Variants in USP42 observed in about 807,000 individuals in gnomAD.
USP42 encodes the protein ubiquitin carboxyl-terminal hydrolase 42.
In USP42, 23 loss-of-function variants were observed where a neutral mutation model predicts 113.0. That is an observed-to-expected ratio of 0.20 (90% CI 0.15 to 0.29). The LOEUF (loss-of-function observed/expected upper bound fraction) is 0.29. Among genes scored for constraint, USP42 ranks in the 10% least tolerant of loss-of-function variants. The pLI is 1.00. For missense variants in USP42, 2,174 were observed against 1,779.8 expected, an observed-to-expected ratio of 1.22 and a Z score of -3.99; for synonymous variants, 933 against 699.0, an observed-to-expected ratio of 1.33 and a Z score of -5.28.
chr7:6,115,216 A>G, intron 2 of USP42, 107 bp from the exon 3 acceptor site: 1 of 1,098,312 alleles, frequency 9.1e-7, no homozygotes, highest in Non-Finnish European at 1.3e-6. Flanking sequence ...TAGGCTGGTC[A>G]TGAGATTTCG....
chr7:6,088,040 C>T, the USP42 span, among the ~76,000 whole-genome samples: 1 of 151,004 alleles, frequency 6.6e-6, no homozygotes. Context: ...TGGCTCATAC[C>T]TGTAATGCCA....
upstream of USP42, among the ~76,000 whole-genome samples, chr7:6,104,281 A>C (rs1283111851): frequency 6.6e-6 from 1 of 151,074 alleles, no homozygotes; most frequent in Non-Finnish European, 1.5e-5. Flanking sequence ...ACAGGGTTTC[A>C]CCATGCTGGC....
chr7:6,081,922 A>G, the USP42 span: 3 of 152,134 alleles, frequency 2.0e-5, no homozygotes, highest in Non-Finnish European at 2.9e-5. Context: ...AAAATACAGT[A>G]TACCTGTATA....
intron 8 of USP42, among the ~76,000 whole-genome samples, chr7:6,143,440 G>T (rs867942024): frequency 1.3e-5 from 2 of 152,028 alleles, no homozygotes; most frequent in African/African-American, 4.8e-5. Flanking sequence ...GGGTTCCCAG[G>T]GTTTGGGATA....
chr7:6,120,023 TGGC>T (rs1780129049), intron 3 of USP42, among the ~76,000 whole-genome samples: 2 of 152,326 alleles, frequency 1.3e-5, no homozygotes, highest in African/African-American at 4.8e-5. Flanking sequence ...TGGAGTGCAG[TGGC>T]GCTGTCTCGG....
At chr7:6,152,793 G>A (rs1175237570) in intron 14 of USP42, among the ~76,000 whole-genome samples, 1 of 152,206 alleles carries the variant, frequency 6.6e-6, no homozygotes, top group African/African-American at 2.4e-5. Flanking sequence ...ACTACAGAAC[G>A]TTTTGCTAAA....
At chr7:6,123,370 A>G (rs1780342353) in intron 3 of USP42, among the ~76,000 whole-genome samples, 1 of 152,098 alleles carries the variant, frequency 6.6e-6, no homozygotes, top group African/African-American at 2.4e-5. Context: ...AATATAAAAT[A>G]TTAAAAAATT....
At chr7:6,081,678 G>C in the USP42 span, 1 of 152,250 alleles carries the variant, frequency 6.6e-6, no homozygotes, top group Non-Finnish European at 1.5e-5. Context: ...GCTAGTCTTC[G>C]GACGGCGGCC....
At position 6,145,582 on chromosome 7, in the gene USP42, G is replaced by T. The variant is rs765930900; in HGVS notation, c.1057G>T (p.Val353Phe). 10 of 1,613,862 alleles carry T rather than the reference G, an allele frequency of 6.2e-6. No individual in the cohort carries two copies. In the African/African-American group the frequency reaches 8.0e-5, roughly 13 times the overall value. The part of the protein sequence containing the change: ...YMSQPNGEPI[V>F]YVLYAVLVHT... Reference sequence around the variant, plus strand: ...GTCTCAACCCAACGGAGAGCCAATTGTCTACGTCTTGTATGCAGTGCTGGT... The same window carrying T: ...GTCTCAACCCAACGGAGAGCCAATTTTCTACGTCTTGTATGCAGTGCTGGT... The change falls in exon 10 of 18, where the codon GTC (valine) becomes TTC (phenylalanine). Residue 353 changes from valine to phenylalanine, a missense_variant. Physicochemically the swap from Val to Phe is conservative, Grantham distance 50. Coordinates refer to ENST00000306177, the MANE Select transcript of USP42 (RefSeq NM_032172.3).
chr7:6,145,846 G>GA (rs1781688505), intron 10 of USP42, among the ~76,000 whole-genome samples, 190 bp downstream of exon 10: 1 of 152,196 alleles, frequency 6.6e-6, no homozygotes, highest in East Asian at 1.9e-4. Flanking sequence ...GAGGCTGGGG[G>GA]ATCACTTGAG....
intron 3 of USP42, chr7:6,128,200 G>C (rs1473837466): frequency 6.6e-6 from 1 of 150,934 alleles, no homozygotes; most frequent in Non-Finnish European, 1.5e-5. Context: ...TGATCCTCCT[G>C]CCTTGGCCTC....
chr7:6,107,850 TTTGA>T (rs1395754953), intron 1 of USP42, among the ~76,000 whole-genome samples: 1 of 152,218 alleles, frequency 6.6e-6, no homozygotes, highest in Non-Finnish European at 1.5e-5. Flanking sequence ...GTCAGCTACC[TTTGA>T]TTGATTTAAA....
At chr7:6,112,666 C>T (rs1779660432) in intron 2 of USP42, among the ~76,000 whole-genome samples, 1 of 152,180 alleles carries the variant, frequency 6.6e-6, no homozygotes, top group East Asian at 1.9e-4. Flanking sequence ...GCATGCAGCC[C>T]AGACAGCTTT....
chr7:6,150,288 G>C lies in USP42; in HGVS notation c.2092G>C (p.Gly698Arg), dbSNP rs201342208. 1.2e-4 allele frequency: 193 copies of C among 1,612,868 alleles called. No individual in the cohort carries two copies. In the African/African-American group the frequency reaches 2.3e-3, roughly 20 times the overall value. The change falls in exon 13 of 18, where the codon GGT becomes CGT. Residue 698 changes from glycine to arginine, a missense_variant. Physicochemically the swap from Gly to Arg is moderately radical, Grantham distance 125 (BLOSUM62 -2). Coordinates refer to ENST00000306177, the MANE Select transcript of USP42 (RefSeq NM_032172.3). ...AGAAAATCCCTTTGCTAAGGCAAAC[G>C]GTCTTCCTGGAAAGGTGAGTGCACG... ...HSENPFAKAN[G>R]LPGKLMPAPL...
chr7:6,126,630 C>T (rs900045494), intron 3 of USP42, among the ~76,000 whole-genome samples: 9 of 152,188 alleles, frequency 5.9e-5, no homozygotes, highest in African/African-American at 9.7e-5. Flanking sequence ...AAAGGATATC[C>T]GGTTGTTTCT....
chr7:6,146,139 C>T lies in USP42; in HGVS notation c.1132-9C>T. On this transcript the variant is annotated splice_polypyrimidine_tract_variant and intron_variant, in intron 10 of 17. Coordinates refer to ENST00000306177, the MANE Select transcript of USP42 (RefSeq NM_032172.3). ...CTAATCTCTCTCTTTTATTGGCTCT[C>T]ATTTATAGGCTAGCAATGGCCTCTG... The T allele has an allele frequency of 1.3e-6, 2 of 1,545,180 alleles. No individual in the cohort carries two copies. The highest frequency in any genetic ancestry group is 1.8e-6 in the Non-Finnish European group (2 of 1,133,148).
At chr7:6,127,259 GTGGT>G (rs1334267150) in intron 3 of USP42, among the ~76,000 whole-genome samples, 1 of 152,148 alleles carries the variant, frequency 6.6e-6, no homozygotes, top group Non-Finnish European at 1.5e-5. Context: ...CATCCACTTA[GTGGT>G]TGTTTTACAG....
chr7:6,146,454 G>A (rs1447377947), intron 11 of USP42, among the ~76,000 whole-genome samples: 4 of 152,096 alleles, frequency 2.6e-5, no homozygotes, highest in African/African-American at 9.7e-5. Flanking sequence ...GAGCCCAGGA[G>A]TTCGAGACCG....
At chr7:6,108,166 G>A (rs1005711030) in intron 1 of USP42, among the ~76,000 whole-genome samples, 4 of 152,092 alleles carry the variant, frequency 2.6e-5, no homozygotes, top group Non-Finnish European at 5.9e-5. Flanking sequence ...CAGCCTGGGT[G>A]GCAGAGCTAG....
Sources: gnomAD v4.1 joint callset for allele counts (sites outside exome capture counted in the v4.1 genomes callset) on GRCh38, gnomAD v4.1.1 for gene constraint, MANE v1.5 for transcripts, NCBI Gene and HGNC (gene_info 2026-07-23, HGNC 2026-07-21) for gene names.